Variants in LCLAT1 observed in about 807,000 individuals in gnomAD.
The protein encoded by LCLAT1 is lysocardiolipin acyltransferase 1, also known as 1-AGP acyltransferase 8.
LCLAT1 carries 11 observed loss-of-function variants against 30.7 expected under a neutral mutation model. The ratio of observed to expected loss-of-function variants is 0.36; its 90% confidence interval spans 0.23 to 0.59. LCLAT1 has a LOEUF of 0.59. Among genes scored for constraint, LCLAT1 ranks in the 20% least tolerant of loss-of-function variants. The probability of loss-of-function intolerance (pLI) is 0.77; values close to 1 mark genes in which losing one functional copy is unlikely to be tolerated. For missense variants in LCLAT1, 402 were observed against 458.6 expected (o/e 0.88, Z 1.13); for synonymous variants, 155 against 151.3 (o/e 1.02, Z -0.18).
chr2:30,603,548 A>C (rs1667288862), intron 5 of LCLAT1, among the ~76,000 whole-genome samples: 2 of 152,116 alleles, frequency 1.3e-5, no homozygotes, highest in Non-Finnish European at 2.9e-5. Flanking sequence ...ATGAGAGGAC[A>C]GAATAGGCAT....
intron 5 of LCLAT1, among the ~76,000 whole-genome samples, chr2:30,577,708 A>T (rs893628211): frequency 6.6e-6 from 1 of 152,110 alleles, no homozygotes; most frequent in African/African-American, 2.4e-5. Context: ...AATGTGTTGC[A>T]TCTTTTCATT....
At chr2:30,525,992 A>G (rs1345420917) in intron 2 of LCLAT1, among the ~76,000 whole-genome samples, 1 of 152,200 alleles carries the variant, frequency 6.6e-6, no homozygotes, top group African/African-American at 2.4e-5. Flanking sequence ...CAGGGAAAAA[A>G]AATCTGTGCA....
intron 1 of LCLAT1, among the ~76,000 whole-genome samples, chr2:30,462,018 C>T (rs182686880): frequency 1.9e-4 from 29 of 151,894 alleles, no homozygotes; most frequent in African/African-American, 5.3e-4. Context: ...GTGATCCGCC[C>T]GCCTCGGCCT....
rs1047658164 is a variant in LCLAT1 at position 30,641,376 on chromosome 2, T to C, written c.*757T>C. On this transcript the variant is annotated 3_prime_UTR_variant, in exon 6 of 6. Coordinates refer to ENST00000379509, the MANE Select transcript of LCLAT1 (RefSeq NM_001002257.3). ...CTCAGTATTGCATGCTTAGTGCTGGTTTTCTTACAACATTTTGGCAGGTGT... is the reference window on the plus strand; with the variant it reads ...CTCAGTATTGCATGCTTAGTGCTGGCTTTCTTACAACATTTTGGCAGGTGT... 14 of 152,188 alleles carry C rather than the reference T, an allele frequency of 9.2e-5. No individual in the cohort carries two copies. The highest frequency in any genetic ancestry group is 3.4e-4 in the African/African-American group (14 of 41,442). 9.4% of individuals were successfully genotyped at this position (152,188 alleles called of 1,614,324 possible).
chr2:30,496,943 G>A, intron 1 of LCLAT1, among the ~76,000 whole-genome samples: 1 of 152,132 alleles, frequency 6.6e-6, no homozygotes, highest in East Asian at 1.9e-4. Context: ...GGCCTTTCTG[G>A]AAGAGCATAC....
At chr2:30,491,827 A>G (rs1683845515) in intron 1 of LCLAT1, among the ~76,000 whole-genome samples, 1 of 152,202 alleles carries the variant, frequency 6.6e-6, no homozygotes, top group Non-Finnish European at 1.5e-5. Context: ...TTCAGGGGGA[A>G]GTGTACATGG....
At chr2:30,615,608 C>T (rs1667958330) in intron 5 of LCLAT1, among the ~76,000 whole-genome samples, 1 of 152,126 alleles carries the variant, frequency 6.6e-6, no homozygotes. Context: ...TAAATACTTC[C>T]ACCAAAACTT....
At chr2:30,525,558 C>T (rs1685673858) in intron 1 of LCLAT1, 29 bp from the exon 2 acceptor site, 2 of 1,572,718 alleles carry the variant, frequency 1.3e-6, no homozygotes, top group South Asian at 1.1e-5. Context: ...TGTATAGTAA[C>T]AAAATATATC....
At chr2:30,497,568 C>T (rs1684179644) in intron 1 of LCLAT1, among the ~76,000 whole-genome samples, 1 of 152,144 alleles carries the variant, frequency 6.6e-6, no homozygotes, top group Admixed American at 6.5e-5. Context: ...CAGCCTCTGA[C>T]AGATTTTTTT....
intron 1 of LCLAT1, among the ~76,000 whole-genome samples, chr2:30,502,730 A>G (rs552858020): frequency 3.3e-5 from 5 of 152,172 alleles, no homozygotes; most frequent in African/African-American, 1.2e-4. Flanking sequence ...TTAGTATAAT[A>G]TCTACTGATA....
At chr2:30,544,267 T>G (rs893766782) in intron 3 of LCLAT1, among the ~76,000 whole-genome samples, 2 of 152,210 alleles carry the variant, frequency 1.3e-5, no homozygotes, top group African/African-American at 2.4e-5. Flanking sequence ...GTCATTGTTT[T>G]CTACAGGGAT....
intron 3 of LCLAT1, among the ~76,000 whole-genome samples, chr2:30,552,203 A>G (rs1023242702): frequency 7.2e-5 from 11 of 152,222 alleles, no homozygotes; most frequent in East Asian, 1.9e-4. Context: ...CAAATTTCCA[A>G]TCTCATATAA....
chr2:30,554,598 C>A (rs1664829997), intron 3 of LCLAT1, among the ~76,000 whole-genome samples: 2 of 152,034 alleles, frequency 1.3e-5, no homozygotes, highest in South Asian at 4.1e-4. Context: ...ATAAGGTTGT[C>A]TTGAGAATTA....
intron 3 of LCLAT1, among the ~76,000 whole-genome samples, chr2:30,547,639 T>C (rs1664485993): frequency 6.6e-6 from 1 of 151,956 alleles, no homozygotes; most frequent in African/African-American, 2.4e-5. Flanking sequence ...GTGGACAGTA[T>C]TGTGTTAGCA....
intron 5 of LCLAT1, among the ~76,000 whole-genome samples, chr2:30,619,759 T>C (rs2121600): frequency 0.86 from 130,985 of 152,176 alleles, 56,564 homozygotes; most frequent in East Asian, 0.94. Flanking sequence ...ATTGCAGTAT[T>C]GGCAGAGCTT....
intron 5 of LCLAT1, among the ~76,000 whole-genome samples, chr2:30,589,862 A>G (rs192921206): frequency 3.9e-5 from 6 of 152,288 alleles, no homozygotes; most frequent in East Asian, 1.9e-4. Flanking sequence ...TCTTTGACCA[A>G]TGTTTAGTAA....
chr2:30,494,326 T>G (rs1420231783), intron 1 of LCLAT1, among the ~76,000 whole-genome samples: 5 of 152,176 alleles, frequency 3.3e-5, no homozygotes, highest in Non-Finnish European at 7.3e-5. Context: ...AAGTCAAGTT[T>G]GTGTGAACTT....
chr2:30,474,996 G>T (rs1682978384), intron 1 of LCLAT1, among the ~76,000 whole-genome samples: 1 of 151,138 alleles, frequency 6.6e-6, no homozygotes, highest in Admixed American at 6.6e-5. Flanking sequence ...GATTTACCTT[G>T]CTAGTCTTAT....
intron 1 of LCLAT1, among the ~76,000 whole-genome samples, chr2:30,522,410 T>A (rs1685522048): frequency 2.0e-5 from 3 of 152,182 alleles, no homozygotes; most frequent in African/African-American, 7.2e-5. Context: ...CAAATAAGTG[T>A]ATAGCTAGCA....
Sources: allele counts gnomAD v4.1 joint callset (sites outside exome capture counted in the v4.1 genomes callset), GRCh38; gene constraint gnomAD v4.1.1; transcripts MANE v1.5; gene names NCBI Gene and HGNC (gene_info 2026-07-23, HGNC 2026-07-21).